The following LGR6 variants were observed in gnomAD, a reference collection of about 807,000 sequenced individuals.
LGR6 encodes leucine-rich repeat-containing G protein-coupled receptor 6.
LGR6 carries 45 observed loss-of-function variants against 69.4 expected under a neutral mutation model. The ratio of observed to expected loss-of-function variants is 0.65; its 90% CI spans 0.51 to 0.83. The LOEUF is 0.83. Among genes scored for constraint, LGR6 ranks in the 40% least tolerant of loss-of-function variants. The pLI is 0.00. For synonymous variants in LGR6, 538 were observed against 555.0 expected, an observed-to-expected ratio of 0.97 and a Z score of 0.43; for missense variants, 1,108 against 1,246.7, an observed-to-expected ratio of 0.89 and a Z score of 1.68.
At chr1:202,200,305 G>T (rs534074371) in intron 1 of LGR6, among the ~76,000 whole-genome samples, 1 of 152,374 alleles carries the variant, frequency 6.6e-6, no homozygotes, top group East Asian at 1.9e-4. Flanking sequence ...AGAAATCAGA[G>T]TTCCTTGAAA....
chr1:202,208,635 C>T (rs893887358), intron 1 of LGR6, among the ~76,000 whole-genome samples: 7 of 152,056 alleles, frequency 4.6e-5, no homozygotes, highest in Admixed American at 6.5e-5. Flanking sequence ...CCTACCCCCC[C>T]GCCAGCCGAC....
intron 9 of LGR6, among the ~76,000 whole-genome samples, chr1:202,302,323 G>A (rs1667662037): frequency 6.6e-6 from 1 of 152,184 alleles, no homozygotes; most frequent in South Asian, 2.1e-4. Context: ...GGAACATGAG[G>A]TACTCAGGCC....
intron 1 of LGR6, among the ~76,000 whole-genome samples, chr1:202,217,666 T>C (rs1197220704): frequency 1.3e-5 from 2 of 151,726 alleles, no homozygotes; most frequent in African/African-American, 4.8e-5. Context: ...CCCTCACAAA[T>C]AACCCCCCAC....
chr1:202,247,864 T>G (rs1007433057), intron 4 of LGR6, among the ~76,000 whole-genome samples: 2 of 151,848 alleles, frequency 1.3e-5, no homozygotes, highest in East Asian at 3.9e-4. Flanking sequence ...CCAGGAAGAG[T>G]GGAGCCAGCA....
chr1:202,205,389 C>T (rs1422407961), intron 1 of LGR6, among the ~76,000 whole-genome samples: 3 of 12,660 alleles, frequency 2.4e-4, no homozygotes, highest in Non-Finnish European at 3.9e-4. Context: ...CCTCACACAC[C>T]TCCTTCAAAC....
intron 4 of LGR6, among the ~76,000 whole-genome samples, chr1:202,275,561 C>G (rs1156350064): frequency 6.6e-6 from 1 of 152,122 alleles, no homozygotes; most frequent in East Asian, 1.9e-4. Flanking sequence ...GGCAGCTAAT[C>G]AAGAACTTCA....
intron 17 of LGR6, 75 bp downstream of exon 17, chr1:202,314,957 T>G: frequency 9.3e-7 from 1 of 1,078,728 alleles, no homozygotes; most frequent in Non-Finnish European, 1.4e-6. Context: ...GAGGTATTAG[T>G]TCAGCCTGGC....
chr1:202,296,824 A>G (rs1667192842), intron 6 of LGR6, among the ~76,000 whole-genome samples: 1 of 152,230 alleles, frequency 6.6e-6, no homozygotes, highest in African/African-American at 2.4e-5. Flanking sequence ...GATGTTATCA[A>G]ATAGTTTCTA....
chr1:202,194,699 T>TGGGGCGGGGGG, intron 1 of LGR6: 1 of 94,696 alleles, frequency 1.1e-5, no homozygotes, highest in Non-Finnish European at 2.0e-5. Flanking sequence ...GTGGCCTTCG[T>TGGGGCGGGGGG]GGGGGCGGGG....
At chr1:202,236,110 C>A in intron 4 of LGR6, 117 bp downstream of exon 4, 1 of 777,210 alleles carries the variant, frequency 1.3e-6, no homozygotes, top group Non-Finnish European at 2.2e-6. Flanking sequence ...TCCCAGTCCA[C>A]GTTCCAGACA....
At chr1:202,284,074 G>A (rs981143566) in intron 6 of LGR6, among the ~76,000 whole-genome samples, 1 of 152,274 alleles carries the variant, frequency 6.6e-6, no homozygotes, top group African/African-American at 2.4e-5. Context: ...GGGTTCAGGG[G>A]ATGGGCACTG....
intron 1 of LGR6, among the ~76,000 whole-genome samples, chr1:202,215,893 T>G (rs1314643373): frequency 1.3e-5 from 2 of 152,040 alleles, no homozygotes; most frequent in East Asian, 3.9e-4. Context: ...GGCCTCACTT[T>G]GTGACTGAAC....
chr1:202,204,696 A>AAC (rs775629857), intron 1 of LGR6, among the ~76,000 whole-genome samples: 151 of 3,870 alleles, frequency 0.039, 5 homozygotes, highest in African/African-American at 0.12. Flanking sequence ...CACACCCCCA[A>AAC]ACACACACAC....
chr1:202,205,946 A>AACAC (rs754002869), intron 1 of LGR6, among the ~76,000 whole-genome samples: 2 of 138,548 alleles, frequency 1.4e-5, no homozygotes, highest in South Asian at 5.1e-4. Flanking sequence ...ATCCTTCAAG[A>AACAC]ACACACACAC....
chr1:202,294,023 C>A (rs1234974260), intron 6 of LGR6, among the ~76,000 whole-genome samples: 1 of 152,156 alleles, frequency 6.6e-6, no homozygotes, highest in African/African-American at 2.4e-5. Flanking sequence ...GTCTCTGTGG[C>A]CCCAGGCAAG....
chr1:202,304,651 TAC>T (rs776100876), intron 11 of LGR6, 21 bp downstream of exon 11: 1 of 1,594,476 alleles, frequency 6.3e-7, no homozygotes, highest in Non-Finnish European at 8.6e-7. Flanking sequence ...ACAAGAATTC[TAC>T]AGTCTTGGCA....
intron 4 of LGR6, among the ~76,000 whole-genome samples, chr1:202,267,879 G>A (rs559000706): frequency 1.1e-4 from 16 of 152,226 alleles, no homozygotes; most frequent in Non-Finnish European, 2.4e-4. Flanking sequence ...CAATCCTATT[G>A]AATTGAAGAC....
intron 4 of LGR6, among the ~76,000 whole-genome samples, chr1:202,256,504 A>G (rs1358077993): frequency 1.3e-5 from 2 of 152,162 alleles, no homozygotes; most frequent in Non-Finnish European, 2.9e-5. Flanking sequence ...CGGCCTCCCA[A>G]AGTACTAGGA....
intron 1 of LGR6, chr1:202,194,518 C>T (rs1210707026): frequency 1.5e-6 from 1 of 645,294 alleles, no homozygotes. Context: ...GCTGGCTGCT[C>T]CATCTCCTGT....
Sources: allele counts gnomAD v4.1 joint callset (sites outside exome capture counted in the v4.1 genomes callset), GRCh38; gene constraint gnomAD v4.1.1; transcripts MANE v1.5; gene names NCBI Gene and HGNC (gene_info 2026-07-23, HGNC 2026-07-21).